Variants in MDFIC observed in about 807,000 individuals in gnomAD.
MDFIC encodes the protein MyoD family inhibitor domain containing, also known as myoD family inhibitor domain-containing protein.
In MDFIC, 17 loss-of-function variants were observed where a neutral mutation model predicts 23.2. The observed-to-expected ratio is 0.73, with a 90% CI of 0.50 to 1.10. The LOEUF (loss-of-function observed/expected upper bound fraction) is 1.10, where lower values mean the gene tolerates loss of function less well. Ranked by LOEUF, MDFIC falls within the 50% of genes least tolerant of loss-of-function variation. The probability of loss-of-function intolerance (pLI) is 0.00; values close to 1 mark genes in which losing one functional copy is unlikely to be tolerated. For missense variants in MDFIC, 356 were observed against 316.6 expected (o/e 1.12, Z -0.95); for synonymous variants, 120 against 115.2 (o/e 1.04, Z -0.27).
chr7:114,932,094 CT>C (rs1476001139), intron 2 of MDFIC, among the ~76,000 whole-genome samples: 5 of 152,118 alleles, frequency 3.3e-5, no homozygotes, highest in African/African-American at 1.2e-4. Flanking sequence ...CTATTTATTT[CT>C]CATGGGGATA....
chr7:114,932,158 T>C (rs1563135398), intron 2 of MDFIC, among the ~76,000 whole-genome samples: 1 of 152,228 alleles, frequency 6.6e-6, no homozygotes, highest in Non-Finnish European at 1.5e-5. Context: ...ATATAAAATA[T>C]TCTAAAATAT....
At chr7:114,989,212 A>C (rs1241125583) in intron 4 of MDFIC, among the ~76,000 whole-genome samples, 1 of 152,140 alleles carries the variant, frequency 6.6e-6, no homozygotes, top group Non-Finnish European at 1.5e-5. Context: ...TAAAAAGAGG[A>C]AGAGAACTAT....
chr7:114,961,742 C>G (rs185829445), intron 3 of MDFIC, among the ~76,000 whole-genome samples: 1 of 152,194 alleles, frequency 6.6e-6, no homozygotes, highest in Admixed American at 6.5e-5. Flanking sequence ...CACTTTTAAA[C>G]AAGAAGATCT....
chr7:114,924,542 A>C (rs1293705057), intron 2 of MDFIC, among the ~76,000 whole-genome samples: 1 of 151,944 alleles, frequency 6.6e-6, no homozygotes, highest in Non-Finnish European at 1.5e-5. Context: ...GGATGGTGTC[A>C]TGTGATCTGA....
chr7:114,934,191 T>C (rs1226346277), intron 2 of MDFIC, among the ~76,000 whole-genome samples: 1 of 152,212 alleles, frequency 6.6e-6, no homozygotes, highest in African/African-American at 2.4e-5. Context: ...AGGAGTTTGC[T>C]GTGCCTCAAG....
intron 4 of MDFIC, among the ~76,000 whole-genome samples, chr7:114,999,595 C>T (rs1452344871): frequency 6.6e-6 from 1 of 151,892 alleles, no homozygotes; most frequent in East Asian, 1.9e-4. Context: ...ATATAATTCT[C>T]AACTAGTATT....
At chr7:114,988,502 G>A (rs1563150322) in intron 4 of MDFIC, among the ~76,000 whole-genome samples, 2 of 152,156 alleles carry the variant, frequency 1.3e-5, no homozygotes, top group Non-Finnish European at 1.5e-5. Flanking sequence ...TCAAGTGCAG[G>A]TAATAGAGGA....
Position 115,017,622 on chromosome 7 carries a change from G to A in MDFIC, c.*1687G>A. 1 of 152,264 alleles carries A rather than the reference G, an allele frequency of 6.6e-6. No individual in the cohort carries two copies. Among genetic ancestry groups the A allele is most frequent in the East Asian group, 1.9e-4 (1 of 5,182 alleles). The allele number at this position is 152,264 out of a possible 1,614,324, so 9.4% of individuals were successfully genotyped here. On this transcript the variant is annotated 3_prime_UTR_variant, in exon 5 of 5. Transcript: ENST00000393486. ...ATGATCCTTAAGTGTAAAGAAATCA[G>A]TCAATTACAAGAGTAATTGTATAGT...
chr7:114,925,663 G>A (rs1040022556), intron 2 of MDFIC, among the ~76,000 whole-genome samples: 1 of 152,194 alleles, frequency 6.6e-6, no homozygotes, highest in Non-Finnish European at 1.5e-5. Context: ...GAACTGGAGA[G>A]CTCATGGGCC....
rs1024824827 is a variant in MDFIC at position 115,018,879 on chromosome 7, T to G, written c.*2944T>G. 1 of 152,000 alleles carries G rather than the reference T, an allele frequency of 6.6e-6. No homozygotes were observed. Among genetic ancestry groups the G allele is most frequent in the South Asian group, 2.1e-4 (1 of 4,832 alleles). 9.4% of individuals were successfully genotyped at this position (152,000 alleles called of 1,614,324 possible). Reference sequence around the variant, plus strand: ...TCATCCCTGTCTGAAGATTTCCTAGTCTTCTTATGTAAATCACATGACTCA... The same window carrying G: ...TCATCCCTGTCTGAAGATTTCCTAGGCTTCTTATGTAAATCACATGACTCA... On this transcript the variant is annotated 3_prime_UTR_variant, in exon 5 of 5. Coordinates refer to ENST00000393486, the MANE Select transcript of MDFIC (RefSeq NM_001166345.3).
At chr7:114,923,215 G>A (rs1792127097) in intron 2 of MDFIC, 88 bp downstream of exon 2, 4 of 1,473,506 alleles carry the variant, frequency 2.7e-6, no homozygotes, top group Non-Finnish European at 3.7e-6. Context: ...GGTGGGGGGA[G>A]TGCTGTGAGG....
intron 2 of MDFIC, among the ~76,000 whole-genome samples, chr7:114,924,076 A>G (rs538167248): frequency 1.3e-5 from 2 of 152,332 alleles, no homozygotes; most frequent in Admixed American, 1.3e-4. Context: ...AGCAGAAAAC[A>G]TCTTGGTTAA....
At chr7:114,925,687 C>A (rs545899693) in intron 2 of MDFIC, among the ~76,000 whole-genome samples, 1 of 152,236 alleles carries the variant, frequency 6.6e-6, no homozygotes, top group South Asian at 2.1e-4. Context: ...AAACAACATT[C>A]CTCAGTTTTA....
chr7:114,973,069 G>C (rs965812548), intron 3 of MDFIC, among the ~76,000 whole-genome samples: 1 of 149,058 alleles, frequency 6.7e-6, no homozygotes, highest in Non-Finnish European at 1.5e-5. Context: ...AAGTCATTTG[G>C]GCTAAAGGCA....
At chr7:114,934,466 A>G (rs971477157) in intron 2 of MDFIC, among the ~76,000 whole-genome samples, 9 of 152,222 alleles carry the variant, frequency 5.9e-5, no homozygotes, top group East Asian at 1.9e-4. Context: ...GGATTTTCAT[A>G]TAATTTTGTA....
chr7:114,960,253 G>A (rs113692285), intron 3 of MDFIC, among the ~76,000 whole-genome samples: 13 of 152,302 alleles, frequency 8.5e-5, no homozygotes, highest in African/African-American at 3.1e-4. Flanking sequence ...CACACAGAGT[G>A]ATGAGAATAA....
intron 2 of MDFIC, among the ~76,000 whole-genome samples, chr7:114,928,823 T>C (rs1792247828): frequency 6.6e-6 from 1 of 152,106 alleles, no homozygotes; most frequent in Admixed American, 6.5e-5. Flanking sequence ...GTGATTATAA[T>C]AGGCTGACAA....
chr7:114,993,714 C>T (rs371887349), intron 4 of MDFIC, among the ~76,000 whole-genome samples: 6 of 152,134 alleles, frequency 3.9e-5, no homozygotes, highest in Non-Finnish European at 7.4e-5. Context: ...GTCTGAGAGA[C>T]AGTTTGTTAT....
Position 114,955,779 on chromosome 7 carries a change from C to G in MDFIC, c.217+13382C>G, listed in dbSNP as rs11766264. Among the ~76,000 whole-genome samples, 351 of 152,128 alleles carry G rather than the reference C, an allele frequency of 2.3e-3. 1 individual carries two copies. Among genetic ancestry groups the G allele is most frequent in the Non-Finnish European group, 4.1e-3 (282 of 68,004 alleles). On this transcript the variant is annotated intron_variant, in intron 3 of 4. Transcript: ENST00000393486. ...TCTTAAGGAGCTAATTTTCTCAGTC[C>G]GCAGTTCATGCATATTAAAAGATGT...
Sources: gnomAD v4.1 joint callset for allele counts (sites outside exome capture counted in the v4.1 genomes callset) on GRCh38, gnomAD v4.1.1 for gene constraint, MANE v1.5 for transcripts, NCBI Gene and HGNC (gene_info 2026-07-23, HGNC 2026-07-21) for gene names.